ZNF713: variants seen among roughly 807,000 people sequenced by gnomAD.
ZNF713 encodes zinc finger protein 713.
A neutral mutation model predicts 28.7 loss-of-function variants in ZNF713; 21 were observed. The observed-to-expected ratio is 0.73, with a 90% CI of 0.52 to 1.05. The LOEUF (loss-of-function observed/expected upper bound fraction) is 1.05. Ranked by LOEUF, ZNF713 falls within the 50% of genes least tolerant of loss-of-function variation. ZNF713 has a pLI of 0.00. For missense variants in ZNF713, 458 were observed against 532.4 expected (o/e 0.86, Z 1.37); for synonymous variants, 167 against 178.0 (o/e 0.94, Z 0.49).
At chr7:55,889,452 G>A in intron 1 of ZNF713, among the ~76,000 whole-genome samples, 1 of 152,196 alleles carries the variant, frequency 6.6e-6, no homozygotes, top group East Asian at 1.9e-4. Flanking sequence ...ATACAGAAAA[G>A]TTTAAAAAAA....
chr7:55,931,506 A>AT (rs1345614296), intron 6 of ZNF713, among the ~76,000 whole-genome samples: 7 of 152,036 alleles, frequency 4.6e-5, no homozygotes, highest in Non-Finnish European at 8.8e-5. Flanking sequence ...AAGGATTAAT[A>AT]TTTTTTCAAA....
At chr7:55,916,914 C>T (rs1452265780) in intron 4 of ZNF713, among the ~76,000 whole-genome samples, 1 of 152,034 alleles carries the variant, frequency 6.6e-6, no homozygotes, top group African/African-American at 2.4e-5. Flanking sequence ...GGGTTCAACT[C>T]ATTAAAAACA....
At chr7:55,930,796 T>A (rs1486516108) in intron 6 of ZNF713, among the ~76,000 whole-genome samples, 1 of 151,950 alleles carries the variant, frequency 6.6e-6, no homozygotes, top group Non-Finnish European at 1.5e-5. Flanking sequence ...GTCTGTGGAT[T>A]CTTTCACCCT....
In ZNF713 at chr7:55,912,701, G is replaced by T; in HGVS notation, c.65G>T (p.Gly22Val). The T allele has an allele frequency of 6.2e-7, 1 of 1,613,436 alleles. No individual in the cohort carries two copies. Among genetic ancestry groups the T allele is most frequent in the East Asian group, 2.2e-5 (1 of 44,888 alleles). The change falls in exon 4 of 7, where the codon GGC becomes GTC. Residue 22 changes from glycine (G) to valine (V), a missense_variant. Transcript: ENST00000429591. Reference sequence around the variant, plus strand: ...ATGGAGGAGGAAGAAATGAATGATGGCTCACAGATGGTGAGATCTCAGGTA... The same window carrying T: ...ATGGAGGAGGAAGAAATGAATGATGTCTCACAGATGGTGAGATCTCAGGTA... ...GNMEEEEMND[G>V]SQMVRSQESL... is the part of the protein sequence containing the mutation.
intron 6 of ZNF713, among the ~76,000 whole-genome samples, chr7:55,934,757 G>C (rs1480422761): frequency 6.6e-6 from 1 of 152,066 alleles, no homozygotes; most frequent in East Asian, 1.9e-4. Context: ...TGCCTGCCTT[G>C]GCCTCCCAAA....
intron 1 of ZNF713, among the ~76,000 whole-genome samples, chr7:55,899,308 G>T (rs369464565): frequency 1.4e-5 from 2 of 141,746 alleles, no homozygotes; most frequent in Middle Eastern, 3.9e-3. Context: ...AGCCGAGATC[G>T]TGCCACTGTA....
At chr7:55,902,676 T>A (rs190855813) in intron 1 of ZNF713, among the ~76,000 whole-genome samples, 134 of 152,252 alleles carry the variant, frequency 8.8e-4, no homozygotes, top group Admixed American at 2.2e-3. Context: ...TGAATCTTTT[T>A]AAAAAGTGTC....
intron 1 of ZNF713, among the ~76,000 whole-genome samples, chr7:55,890,144 T>C (rs1283025102): frequency 6.6e-6 from 1 of 152,088 alleles, no homozygotes; most frequent in African/African-American, 2.4e-5. Flanking sequence ...CCCACCTTTA[T>C]GACCTCATTT....
At chr7:55,915,761 C>T (rs936518894) in intron 4 of ZNF713, among the ~76,000 whole-genome samples, 6 of 152,104 alleles carry the variant, frequency 3.9e-5, no homozygotes, top group African/African-American at 1.4e-4. Context: ...GTGAGCAGGT[C>T]TTAAATACAC....
At chr7:55,936,683 T>C (rs752412684) in intron 6 of ZNF713, among the ~76,000 whole-genome samples, 15 of 152,038 alleles carry the variant, frequency 9.9e-5, no homozygotes, top group Non-Finnish European at 1.9e-4. Flanking sequence ...GAGAAGCTGC[T>C]GAGTTGGGAT....
intron 1 of ZNF713, among the ~76,000 whole-genome samples, chr7:55,893,601 G>T (rs1294587890): frequency 6.6e-6 from 1 of 152,090 alleles, no homozygotes; most frequent in African/African-American, 2.4e-5. Context: ...TTTGTTTTGA[G>T]ACTGAGTTTT....
At chr7:55,906,817 A>T (rs1264150936) in intron 2 of ZNF713, among the ~76,000 whole-genome samples, 3 of 152,212 alleles carry the variant, frequency 2.0e-5, no homozygotes, top group Non-Finnish European at 2.9e-5. Context: ...CGTAAGCAGC[A>T]GTAGCCAAAA....
intron 5 of ZNF713, 86 bp from the exon 6 acceptor site, chr7:55,923,521 C>T (rs1786034767): frequency 2.4e-6 from 3 of 1,263,430 alleles, no homozygotes; most frequent in African/African-American, 1.5e-5. Flanking sequence ...CCTCCAGAGG[C>T]TCTAAAGATT....
At chr7:55,918,215 GGA>G (rs1785922365) in intron 4 of ZNF713, 1 of 423,222 alleles carries the variant, frequency 2.4e-6, no homozygotes, top group Non-Finnish European at 4.8e-6. Context: ...GACAGCCCAT[GGA>G]GAAGCCCATA....
intron 6 of ZNF713, among the ~76,000 whole-genome samples, chr7:55,928,420 G>A (rs1258901856): frequency 6.6e-6 from 1 of 152,152 alleles, no homozygotes; most frequent in African/African-American, 2.4e-5. Flanking sequence ...GAGGCCTGAC[G>A]AGGACTTAAA....
intron 6 of ZNF713, among the ~76,000 whole-genome samples, chr7:55,928,517 C>T (rs186563304): frequency 6.6e-6 from 1 of 152,108 alleles, no homozygotes; most frequent in Admixed American, 6.6e-5. Flanking sequence ...GAGAGTGTTA[C>T]AATGAGTTGG....
intron 1 of ZNF713, among the ~76,000 whole-genome samples, chr7:55,901,995 C>T (rs1001317130): frequency 8.5e-5 from 13 of 152,224 alleles, no homozygotes; most frequent in South Asian, 4.1e-4. Context: ...AGTTCGAGAC[C>T]GGCCAGTCAA....
chr7:55,929,613 G>T (rs1786171027), intron 6 of ZNF713, among the ~76,000 whole-genome samples: 2 of 152,036 alleles, frequency 1.3e-5, no homozygotes, highest in South Asian at 2.1e-4. Flanking sequence ...GAAGAGGCTG[G>T]GTGCAGTGGC....
chr7:55,932,268 C>T (rs1331174913), intron 6 of ZNF713, among the ~76,000 whole-genome samples: 1 of 151,710 alleles, frequency 6.6e-6, no homozygotes, highest in Admixed American at 6.6e-5. Context: ...GTGGCTTACG[C>T]CTGTAATTCC....
Sources: gnomAD v4.1 joint callset for allele counts (sites outside exome capture counted in the v4.1 genomes callset) on GRCh38, gnomAD v4.1.1 for gene constraint, MANE v1.5 for transcripts, NCBI Gene and HGNC (gene_info 2026-07-23, HGNC 2026-07-21) for gene names.